The following COA8 variants were observed in gnomAD, a reference collection of about 807,000 sequenced individuals.
COA8 encodes cytochrome c oxidase assembly factor 8.
Under a neutral mutation model 22.0 loss-of-function variants are expected in COA8, and 20 were observed. The ratio of observed to expected loss-of-function variants is 0.91; its 90% CI spans 0.64 to 1.32. The LOEUF (loss-of-function observed/expected upper bound fraction) is 1.32. Ranked by LOEUF, COA8 falls within the 40% of genes most tolerant of loss-of-function variation. The pLI, the probability that COA8 is intolerant of heterozygous loss-of-function variation, is 0.00. For synonymous variants in COA8, 105 were observed against 79.9 expected (o/e 1.31, Z -1.68); for missense variants, 266 against 230.0 (o/e 1.16, Z -1.01).
intron 1 of COA8, 23 bp downstream of exon 1, chr14:103,563,147 T>C: frequency 1.3e-6 from 2 of 1,540,246 alleles, no homozygotes; most frequent in Non-Finnish European, 1.7e-6. Context: ...CTGGGGACAT[T>C]GGGCCGGGAG....
chr14:103,574,245 C>A, intron 3 of COA8, 75 bp downstream of exon 3: 2 of 1,592,964 alleles, frequency 1.3e-6, no homozygotes, highest in South Asian at 2.2e-5. Context: ...AAAGGAAGGG[C>A]GGTGAGAGAG....
intron 4 of COA8, among the ~76,000 whole-genome samples, chr14:103,589,562 T>G (rs1198732928): frequency 2.6e-5 from 4 of 151,878 alleles, no homozygotes; most frequent in African/African-American, 4.8e-5. Context: ...TGAGCCAAGA[T>G]TGTGCCACTG....
intron 3 of COA8, 182 bp downstream of exon 3, chr14:103,574,352 C>G: frequency 2.5e-6 from 2 of 807,828 alleles, no homozygotes; most frequent in Non-Finnish European, 4.2e-6. Context: ...AGGCATGGCT[C>G]TCCAATCTCA....
In COA8 at chr14:103,581,355, G is replaced by A. The variant is rs927647988; in HGVS notation, c.386-5919G>A. 2.6e-5 allele frequency among the ~76,000 whole-genome samples: 4 copies of A among 152,134 alleles called. No individual in the cohort carries two copies. The highest frequency in any genetic ancestry group is 4.4e-5 in the Non-Finnish European group (3 of 68,030). ...GGGTTACTCAGACACAAGCACTGCT[G>A]TACGACGACAGTGGATCTGATCACC... On this transcript the variant is annotated intron_variant, in intron 3 of 4. Transcript: ENST00000409074. This position sits in a 1 kb window ranked among gnomAD's most constrained non-coding sequence, Gnocchi z 4.1.
chr14:103,572,785 A>T (rs1237016914), intron 2 of COA8, among the ~76,000 whole-genome samples: 5 of 146,676 alleles, frequency 3.4e-5, no homozygotes, highest in Admixed American at 2.8e-4. Context: ...AAAAAAAAAA[A>T]AATTTTTTTC....
chr14:103,563,955 A>T (rs1416932891), intron 1 of COA8, among the ~76,000 whole-genome samples: 3 of 152,208 alleles, frequency 2.0e-5, no homozygotes, highest in Non-Finnish European at 4.4e-5. Flanking sequence ...TCAAGAGGTG[A>T]GACCATCCTG....
rs1281950517 is a variant in COA8, at chr14:103,590,386, C to T, written c.*100C>T. ...AAAAACTGGAGCTGATCTCAAGAAG[C>T]CCCACATCTTCCTAAGGGGCCCCAT... On this transcript the variant is annotated 3_prime_UTR_variant, in exon 5 of 5. Transcript: ENST00000409074. 1 of 1,182,972 alleles carries T rather than the reference C, an allele frequency of 8.5e-7. No homozygotes were observed. The highest frequency in any genetic ancestry group is 2.4e-5 in the East Asian group (1 of 41,604). The allele number at this position is 1,182,972 out of a possible 1,614,324, so 73.3% of individuals were successfully genotyped here.
Position 103,577,196 on chromosome 14 carries a change from A to G in COA8, c.385+3026A>G, listed in dbSNP as rs564618218. Among the ~76,000 whole-genome samples the G allele has an allele frequency of 2.0e-4, 31 of 151,990 alleles. No individual in the cohort carries two copies. In the East Asian group the frequency reaches 5.6e-3, roughly 28 times the overall value. On this transcript the variant is annotated intron_variant, in intron 3 of 4. Coordinates refer to ENST00000409074, the MANE Select transcript of COA8 (RefSeq NM_001370595.2). Reference sequence around the variant, plus strand: ...GCAATTCTCCTGTCTCAGCCTTCCAAGTAGCTGGGATTATAGGCACCCGCC... The same window carrying G: ...GCAATTCTCCTGTCTCAGCCTTCCAGGTAGCTGGGATTATAGGCACCCGCC...
At chr14:103,584,834 G>A (rs2076293576) in intron 3 of COA8, among the ~76,000 whole-genome samples, 1 of 152,056 alleles carries the variant, frequency 6.6e-6, no homozygotes, top group African/African-American at 2.4e-5. Context: ...TAAATCCTTT[G>A]CCCATTTTAA....
chr14:103,584,879 C>G lies in COA8; in HGVS notation c.386-2395C>G, dbSNP rs542920467. On this transcript the variant is annotated intron_variant, in intron 3 of 4. Coordinates refer to ENST00000409074, the MANE Select transcript of COA8 (RefSeq NM_001370595.2). Reference sequence around the variant, plus strand: ...ATTTGGCCAGGTGCAGTGGCTCACTCCTGTAATCCCAGCACTCTGGGAGGC... The same window carrying G: ...ATTTGGCCAGGTGCAGTGGCTCACTGCTGTAATCCCAGCACTCTGGGAGGC... Among the ~76,000 whole-genome samples the G allele has an allele frequency of 2.6e-5, 4 of 152,306 alleles. No homozygotes were observed. In the South Asian group the frequency reaches 8.3e-4, roughly 32 times the overall value.
In COA8 at chr14:103,572,907, C is replaced by T. The variant is rs141514479; in HGVS notation, c.321+1087C>T. On this transcript the variant is annotated intron_variant, in intron 2 of 4. Transcript: ENST00000409074. ...AGGTGATTCTCTTGCCTCACCCTCC[C>T]GAGTAGCTGGGATTACAGGCACACA... 4.3e-3 allele frequency among the ~76,000 whole-genome samples: 653 copies of T among 152,054 alleles called. 16 individuals are homozygous for T. The highest frequency in any genetic ancestry group is 0.039 in the Admixed American group (590 of 15,272).
At chr14:103,573,315 G>T (rs55967910) in intron 2 of COA8, among the ~76,000 whole-genome samples, 3 of 151,492 alleles carry the variant, frequency 2.0e-5, no homozygotes, top group African/African-American at 7.3e-5. Context: ...GATTACAGGC[G>T]CCCGCCACCA....
At chr14:103,578,010 G>A (rs551559544) in intron 3 of COA8, among the ~76,000 whole-genome samples, 3 of 126,632 alleles carry the variant, frequency 2.4e-5, no homozygotes, top group African/African-American at 6.1e-5. Context: ...GGCAGCAAGA[G>A]TGAAACTCCA....
intron 3 of COA8, 189 bp downstream of exon 3, chr14:103,574,359 C>G (rs2076215508): frequency 1.3e-6 from 1 of 770,154 alleles, no homozygotes; most frequent in African/African-American, 1.7e-5. Context: ...GCTCTCCAAT[C>G]TCAGCTCCCT....
chr14:103,587,408 G>A (rs781521385), intron 4 of COA8, 44 bp downstream of exon 4: 2 of 1,345,946 alleles, frequency 1.5e-6, no homozygotes, highest in Non-Finnish European at 1.1e-6. Flanking sequence ...AGCACATCCA[G>A]ATTAGGTAGG....
chr14:103,583,896 A>G (rs900513915), intron 3 of COA8, among the ~76,000 whole-genome samples: 4 of 152,236 alleles, frequency 2.6e-5, no homozygotes, highest in Non-Finnish European at 5.9e-5. Flanking sequence ...ACATTCAGAA[A>G]GGTGTTTTAC....
intron 4 of COA8, among the ~76,000 whole-genome samples, chr14:103,588,808 C>T (rs548144932): frequency 3.2e-4 from 49 of 152,262 alleles, no homozygotes; most frequent in African/African-American, 1.1e-3. Context: ...CGCTACTGCA[C>T]TCCAGCCTGG....
chr14:103,579,134 A>G (rs2076249225), intron 3 of COA8, among the ~76,000 whole-genome samples: 1 of 152,048 alleles, frequency 6.6e-6, no homozygotes, highest in Non-Finnish European at 1.5e-5. Context: ...GTGTATTAAC[A>G]GTAACACATG....
At position 103,581,361 on chromosome 14, in the gene COA8, C is replaced by T. The variant is rs554993963; in HGVS notation, c.386-5913C>T. ...CTCAGACACAAGCACTGCTGTACGA[C>T]GACAGTGGATCTGATCACCGAGACG... On this transcript the variant is annotated intron_variant, in intron 3 of 4. Coordinates refer to ENST00000409074, the MANE Select transcript of COA8 (RefSeq NM_001370595.2). This position sits in a 1 kb window ranked among gnomAD's most constrained non-coding sequence, Gnocchi z 4.1. Among the ~76,000 whole-genome samples, 6 of 152,164 alleles carry T rather than the reference C, an allele frequency of 3.9e-5. No individual in the cohort carries two copies. Among genetic ancestry groups the T allele is most frequent in the Non-Finnish European group, 7.4e-5 (5 of 68,006 alleles).
Sources: allele counts gnomAD v4.1 joint callset (sites outside exome capture counted in the v4.1 genomes callset), GRCh38; gene constraint gnomAD v4.1.1; non-coding constraint Gnocchi (gnomAD v3.1); transcripts MANE v1.5; gene names NCBI Gene and HGNC (gene_info 2026-07-23, HGNC 2026-07-21).